Variants in SLC5A11 observed in about 807,000 individuals in gnomAD.
The protein encoded by SLC5A11 is solute carrier family 5 member 11.
Under a neutral mutation model 69.8 loss-of-function variants are expected in SLC5A11, and 48 were observed. The observed-to-expected ratio is 0.69, with a 90% CI of 0.55 to 0.87. The LOEUF (loss-of-function observed/expected upper bound fraction) is 0.87. SLC5A11 is among the 40% of genes least tolerant of loss of function. The pLI is 0.00. For synonymous variants in SLC5A11, 319 were observed against 342.4 expected, an observed-to-expected ratio of 0.93 and a Z score of 0.75; for missense variants, 784 against 866.1, an observed-to-expected ratio of 0.91 and a Z score of 1.19.
At chr16:24,906,551 G>C (rs1242051954) in intron 10 of SLC5A11, 106 bp from the exon 12 acceptor site, 2 of 575,624 alleles carry the variant, frequency 3.5e-6, no homozygotes, top group Non-Finnish European at 6.0e-6. Flanking sequence ...TTATTTCATT[G>C]AGCTATAAAC....
At chr16:24,849,586 AAAAAAAAATATAT>A (rs1239637128) in intron 1 of SLC5A11, among the ~76,000 whole-genome samples, 1 of 112,638 alleles carries the variant, frequency 8.9e-6, no homozygotes, top group Non-Finnish European at 1.9e-5. Flanking sequence ...AAAAAAAAAA[AAAAAAAAATATAT>A]ATATATATAT....
At chr16:24,860,597 G>A (rs1036080567) in intron 2 of SLC5A11, among the ~76,000 whole-genome samples, 1 of 152,152 alleles carries the variant, frequency 6.6e-6, no homozygotes, top group Non-Finnish European at 1.5e-5. Context: ...CTCCTTAGGT[G>A]TACACATCAG....
intron 9 of SLC5A11, 73 bp from the exon 11 acceptor site, chr16:24,897,901 G>A: frequency 6.4e-7 from 1 of 1,556,718 alleles, no homozygotes; most frequent in South Asian, 1.2e-5. Context: ...TACAATTCAA[G>A]ATGAGATTTG....
At chr16:24,855,246 G>A (rs1399172318) in intron 1 of SLC5A11, among the ~76,000 whole-genome samples, 1 of 152,038 alleles carries the variant, frequency 6.6e-6, no homozygotes, top group Non-Finnish European at 1.5e-5. Flanking sequence ...AAGAGGCAGG[G>A]CATTTGAGAG....
intron 7 of SLC5A11, among the ~76,000 whole-genome samples, chr16:24,882,861 G>A (rs1306526203): frequency 1.3e-5 from 2 of 152,088 alleles, no homozygotes; most frequent in African/African-American, 4.8e-5. Flanking sequence ...GGCCAGGCTG[G>A]TCTTGAACCC....
exon 11 of SLC5A11, chr16:24,906,666 C>A: frequency 6.2e-7 from 1 of 1,609,030 alleles, no homozygotes; most frequent in Non-Finnish European, 8.5e-7. Flanking sequence ...GATCAAGTGG[C>A]CTGTGCAGAT....
At chr16:24,868,136 CAAAAA>C (rs1209924410) in intron 3 of SLC5A11, among the ~76,000 whole-genome samples, 2 of 89,370 alleles carry the variant, frequency 2.2e-5, no homozygotes, top group South Asian at 3.7e-4. Flanking sequence ...GACTCCATTT[CAAAAA>C]AAAAAAAAAA....
chr16:24,862,820 A>T, intron 3 of SLC5A11, 148 bp downstream of exon 4: 1 of 505,002 alleles, frequency 2.0e-6, no homozygotes. Context: ...CTCCAGCTCA[A>T]ATTCGTTTAA....
intron 9 of SLC5A11, among the ~76,000 whole-genome samples, chr16:24,894,898 T>C (rs1160666656): frequency 6.6e-6 from 1 of 152,164 alleles, no homozygotes; most frequent in African/African-American, 2.4e-5. Context: ...GAGAAGACGA[T>C]TGCTTGAGCC....
intron 4 of SLC5A11, among the ~76,000 whole-genome samples, chr16:24,870,504 G>A (rs1293941905): frequency 6.6e-6 from 1 of 151,176 alleles, no homozygotes; most frequent in Non-Finnish European, 1.5e-5. Context: ...AGTGGGTTGG[G>A]CGCGATGGCT....
rs772444653 is a variant in SLC5A11 at position 24,869,896 on chromosome 16, C to T, written c.208-5C>T. 13 of 1,612,192 alleles carry T rather than the reference C, an allele frequency of 8.1e-6. No homozygotes were observed. Among genetic ancestry groups the T allele is most frequent in the Admixed American group, 1.7e-5 (1 of 59,998 alleles). ...CCAAGATCTGACCCGTCCATCTCCC[C>T]ACAGGTGGGTGCATCCTTGTTTGCC... On this transcript the variant is annotated splice_polypyrimidine_tract_variant and splice_region_variant and intron_variant, in intron 3 of 15. Transcript: ENST00000347898.
At chr16:24,864,087 G>A (rs274102) in intron 3 of SLC5A11, among the ~76,000 whole-genome samples, 28,096 of 152,080 alleles carry the variant, frequency 0.18, 2,776 homozygotes, top group Non-Finnish European at 0.21. Flanking sequence ...ATTCTAGTAA[G>A]ACAACTTAAA....
At chr16:24,870,005 T>C in exon 4 of SLC5A11, 1 of 1,607,738 alleles carries the variant, frequency 6.2e-7, no homozygotes, top group African/African-American at 1.3e-5. Context: ...ATGAACTTAA[T>C]GTAAGTATTT....
rs999664403 is a variant in SLC5A11, at chr16:24,879,319, G to C, written c.583+1956G>C. Among the ~76,000 whole-genome samples, 3 of 152,210 alleles carry C rather than the reference G, an allele frequency of 2.0e-5. No homozygotes were observed. The East Asian group carries it at 5.8e-4, about 29-fold the overall frequency. Reference sequence around the variant, plus strand: ...GAATGGATCCATTAGTCCACGTAGTGAGCATAGTACCCAATGGGTAGTTTT... The same window carrying C: ...GAATGGATCCATTAGTCCACGTAGTCAGCATAGTACCCAATGGGTAGTTTT... On this transcript the variant is annotated intron_variant, in intron 7 of 15. Coordinates refer to ENST00000347898, the Ensembl canonical transcript of SLC5A11.
chr16:24,907,913 G>C, intron 12 of SLC5A11, 50 bp from the exon 14 acceptor site: 1 of 1,570,016 alleles, frequency 6.4e-7, no homozygotes, highest in Non-Finnish European at 8.6e-7. Context: ...AGGGAAAGAG[G>C]AGTAAATGTT....
chr16:24,888,778 C>T lies in SLC5A11; in HGVS notation c.665-2091C>T, dbSNP rs756047821. ...GGATTACAGGTGTGAGCCACCGTGC[C>T]TGTCCTTTTTTTTTTTTTTTTTTTT... On this transcript the variant is annotated intron_variant, in intron 8 of 15. Coordinates refer to ENST00000347898, the Ensembl canonical transcript of SLC5A11. Among the ~76,000 whole-genome samples the T allele has an allele frequency of 1.4e-3, 185 of 132,884 alleles. 1 individual carries two copies. The highest frequency in any genetic ancestry group is 4.9e-3 in the Middle Eastern group (1 of 206). 87.2% of individuals were successfully genotyped at this position (132,884 alleles called of 152,430 possible).
At chr16:24,882,955 G>T (rs1307168774) in intron 7 of SLC5A11, among the ~76,000 whole-genome samples, 2 of 152,130 alleles carry the variant, frequency 1.3e-5, no homozygotes, top group African/African-American at 4.8e-5. Flanking sequence ...CCATTTCGAA[G>T]ATTTTTGCAG....
intron 10 of SLC5A11, among the ~76,000 whole-genome samples, chr16:24,905,640 G>GCGCGCGCGCGCGCA (rs1443035551): frequency 3.7e-5 from 5 of 136,698 alleles, no homozygotes; most frequent in South Asian, 2.4e-4. Flanking sequence ...GCGCGCGCGC[G>GCGCGCGCGCGCGCA]CACACACACA....
At chr16:24,889,824 A>G (rs2048659026) in intron 8 of SLC5A11, among the ~76,000 whole-genome samples, 1 of 152,156 alleles carries the variant, frequency 6.6e-6, no homozygotes, top group Admixed American at 6.6e-5. Flanking sequence ...CTAGTATTAC[A>G]GGTGTGAGCC....
Sources: gnomAD v4.1 joint callset for allele counts (sites outside exome capture counted in the v4.1 genomes callset) on GRCh38, gnomAD v4.1.1 for gene constraint, MANE v1.5 for transcripts, NCBI Gene and HGNC (gene_info 2026-07-23, HGNC 2026-07-21) for gene names.